Variants in ARID1B observed in about 807,000 individuals in gnomAD.
The protein encoded by ARID1B is AT-rich interactive domain-containing protein 1B.
In ARID1B, 30 loss-of-function variants were observed where a neutral mutation model predicts 212.3. That is an observed-to-expected ratio of 0.14 (90% CI 0.11 to 0.19). The LOEUF is 0.19. Ranked by LOEUF, ARID1B falls within the 10% of genes least tolerant of loss-of-function variation. ARID1B has a pLI of 1.00. For synonymous variants in ARID1B, 1,402 were observed against 1,301.7 expected (o/e 1.08, Z -1.66); for missense variants, 2,891 against 3,204.0 (o/e 0.90, Z 2.36).
chr6:156,899,442 G>A (rs1263888163), intron 2 of ARID1B, among the ~76,000 whole-genome samples: 1 of 152,198 alleles, frequency 6.6e-6, no homozygotes, highest in Non-Finnish European at 1.5e-5. Context: ...AAGGTGGGGT[G>A]CCAGCAAAGT....
chr6:156,898,590 A>G (rs1788676564), intron 2 of ARID1B, among the ~76,000 whole-genome samples: 1 of 152,232 alleles, frequency 6.6e-6, no homozygotes, highest in African/African-American at 2.4e-5. Flanking sequence ...AATACTATTC[A>G]GTTTCAGAAG....
At chr6:156,921,574 G>A (rs1294310830) in intron 3 of ARID1B, among the ~76,000 whole-genome samples, 3 of 151,738 alleles carry the variant, frequency 2.0e-5, no homozygotes, top group African/African-American at 7.3e-5. Flanking sequence ...GTCTACTTTC[G>A]TAGAAGATTG....
intron 3 of ARID1B, among the ~76,000 whole-genome samples, chr6:156,923,452 C>G (rs549701610): frequency 1.3e-5 from 2 of 152,270 alleles, no homozygotes; most frequent in East Asian, 3.9e-4. Flanking sequence ...GAAAGAATAT[C>G]TTGGTTCCCA....
At position 156,777,848 on chromosome 6, in the gene ARID1B, C is replaced by T. The variant is rs1778734591; in HGVS notation, c.168C>T (p.Pro56=). Residue 56 remains proline, a synonymous_variant, in exon 1 of 20, where the codon CCC becomes CCT. Transcript: ENST00000636930. Reference sequence around the variant, plus strand: ...CGGCGGCGGCGGCGGCACCGGGACCCATGCTGGGGGGCGGCGGCGACGGCG... The same window carrying T: ...CGGCGGCGGCGGCGGCACCGGGACCTATGCTGGGGGGCGGCGGCGACGGCG... The part of the protein sequence containing the change: ...GAAAAAAAPG[P]MLGGGGDGGG... 8.0e-7 allele frequency: 1 copy of T among 1,251,024 alleles called. No individual in the cohort carries two copies. The highest frequency in any genetic ancestry group is 3.2e-5 in the East Asian group (1 of 31,004). 77.5% of individuals were successfully genotyped at this position (1,251,024 alleles called of 1,614,324 possible).
chr6:157,205,793 T>C (rs181135945), intron 19 of ARID1B: 2 of 178,242 alleles, frequency 1.1e-5, no homozygotes, highest in African/African-American at 4.7e-5. Flanking sequence ...ATAAAATCCA[T>C]GTTCCCACTC....
chr6:156,871,713 G>C, intron 2 of ARID1B: 1 of 1,571,046 alleles, frequency 6.4e-7, no homozygotes, highest in Non-Finnish European at 8.7e-7. Context: ...TATGACAGTG[G>C]GGGCAGCTGG....
In ARID1B at chr6:157,210,428, ATTGTAACCGATACGCAGAGTCTGAC is replaced by A. The variant is rs532384403; in HGVS notation, c.*2538_*2562del. On this transcript the variant is annotated 3_prime_UTR_variant, in exon 20 of 20. Transcript: ENST00000636930. ...ACAAAAGACTGTTGTTATGGTTTGC[ATTGTAACCGATACGCAGAGTCTGAC>A]CGTTGGGCAACAAGTTTTTCTATCC... 7.0e-4 allele frequency: 163 copies of A among 231,408 alleles called. No homozygotes were observed. Among genetic ancestry groups the A allele is most frequent in the African/African-American group, 3.4e-3 (153 of 45,352 alleles). The allele number at this position is 231,408 out of a possible 1,614,324, so 14.3% of individuals were successfully genotyped here. A position where few individuals can be genotyped will look rare whatever the true frequency, so the allele number is the denominator to read the frequency against.
chr6:157,133,376 G>C (rs578085376), intron 7 of ARID1B, among the ~76,000 whole-genome samples, 169 bp downstream of exon 7: 2 of 152,336 alleles, frequency 1.3e-5, no homozygotes, highest in South Asian at 2.1e-4. Flanking sequence ...TGCCCATAAT[G>C]ATGGGAGGAA....
intron 4 of ARID1B, among the ~76,000 whole-genome samples, chr6:157,025,993 C>G (rs537157378): frequency 2.2e-4 from 33 of 151,438 alleles, no homozygotes; most frequent in African/African-American, 6.8e-4. Context: ...GGCACAATTT[C>G]GGCTCACTGC....
At chr6:156,839,666 C>T (rs1783756871) in intron 2 of ARID1B, among the ~76,000 whole-genome samples, 2 of 152,162 alleles carry the variant, frequency 1.3e-5, no homozygotes, top group Admixed American at 1.3e-4. Context: ...ATCACTGGCC[C>T]TTAGTCTTCA....
chr6:157,192,636 G>A (rs1029464056), intron 15 of ARID1B, among the ~76,000 whole-genome samples: 4 of 152,166 alleles, frequency 2.6e-5, no homozygotes, highest in African/African-American at 9.7e-5. Context: ...CCATCATAAG[G>A]TTGAGCCATC....
At position 157,184,662 on chromosome 6, in the gene ARID1B, C is replaced by A. The variant is rs144085333; in HGVS notation, c.3919+227C>A. ...ATTTCTGGTTGACACTTGGAAGGCACCCCTTCTTTTGCTTTACCTTAATCA... is the reference window on the plus strand; with the variant it reads ...ATTTCTGGTTGACACTTGGAAGGCAACCCTTCTTTTGCTTTACCTTAATCA... On this transcript the variant is annotated intron_variant, in intron 13 of 19. Coordinates refer to ENST00000636930, the MANE Select transcript of ARID1B (RefSeq NM_001374828.1). 1.2e-3 allele frequency: 688 copies of A among 598,104 alleles called. 8 individuals are homozygous for A. The East Asian group carries it at 0.017, about 15-fold the overall frequency. 37.0% of individuals were successfully genotyped at this position (598,104 alleles called of 1,614,324 possible).
chr6:157,052,015 C>T (rs1583218698), intron 4 of ARID1B, among the ~76,000 whole-genome samples: 2 of 152,250 alleles, frequency 1.3e-5, no homozygotes, highest in East Asian at 3.9e-4. Flanking sequence ...GCCACCAGAA[C>T]AGCAGTTTGC....
intron 5 of ARID1B, among the ~76,000 whole-genome samples, chr6:157,088,142 A>G (rs1785066086): frequency 6.6e-6 from 1 of 152,216 alleles, no homozygotes; most frequent in Admixed American, 6.5e-5. Context: ...TGCTGTAAAC[A>G]CTTCAACAGG....
chr6:157,200,049 A>G lies in ARID1B; in HGVS notation c.4480-656A>G. 6.6e-6 allele frequency among the ~76,000 whole-genome samples: 1 copy of G among 152,186 alleles called. No individual in the cohort carries two copies. Among genetic ancestry groups the G allele is most frequent in the East Asian group, 1.9e-4 (1 of 5,194 alleles). On this transcript the variant is annotated intron_variant, in intron 17 of 19. Transcript: ENST00000636930. This position sits in a 1 kb window ranked among gnomAD's most constrained non-coding sequence, Gnocchi z 4.3. Reference sequence around the variant, plus strand: ...CATCAGCATCTCACTGCCTCCCATCAGAGTCCCACCTACCCCGATTAAGCA... The same window carrying G: ...CATCAGCATCTCACTGCCTCCCATCGGAGTCCCACCTACCCCGATTAAGCA...
At chr6:156,998,864 G>A (rs1046294350) in intron 4 of ARID1B, among the ~76,000 whole-genome samples, 1 of 152,204 alleles carries the variant, frequency 6.6e-6, no homozygotes, top group Non-Finnish European at 1.5e-5. Flanking sequence ...GAGGAAGAAA[G>A]CGTTCTTTTC....
chr6:157,123,314 C>T (rs535422340), intron 6 of ARID1B, among the ~76,000 whole-genome samples: 4 of 145,726 alleles, frequency 2.7e-5, no homozygotes, highest in South Asian at 4.5e-4. Context: ...CTTCTTAGGC[C>T]GCCCAGAGCT....
intron 9 of ARID1B, chr6:157,168,104 A>G (rs1450482631): frequency 6.6e-6 from 1 of 152,000 alleles, no homozygotes; most frequent in Admixed American, 6.6e-5. Flanking sequence ...ACATTTTTTC[A>G]TTTCTTCTGC....
intron 2 of ARID1B, among the ~76,000 whole-genome samples, chr6:156,878,496 G>A (rs966526037): frequency 6.6e-6 from 1 of 152,194 alleles, no homozygotes; most frequent in Non-Finnish European, 1.5e-5. Flanking sequence ...GTATTGCTGT[G>A]TGTACTGCAA....
Sources: allele counts gnomAD v4.1 joint callset (sites outside exome capture counted in the v4.1 genomes callset), GRCh38; gene constraint gnomAD v4.1.1; non-coding constraint Gnocchi (gnomAD v3.1); transcripts MANE v1.5; gene names NCBI Gene and HGNC (gene_info 2026-07-23, HGNC 2026-07-21).